Variants in DOP1A observed in about 807,000 individuals in gnomAD.
DOP1A encodes DOP1 leucine zipper like protein A.
Under a neutral mutation model 267.6 loss-of-function variants are expected in DOP1A, and 90 were observed. That is an observed-to-expected ratio of 0.34 (90% CI 0.28 to 0.40). The LOEUF (loss-of-function observed/expected upper bound fraction) is 0.40, where lower values mean the gene tolerates loss of function less well. Among genes scored for constraint, DOP1A ranks in the 10% least tolerant of loss-of-function variants. DOP1A has a pLI of 1.00. For synonymous variants in DOP1A, 932 were observed against 999.1 expected, an observed-to-expected ratio of 0.93 and a Z score of 1.27; for missense variants, 2,437 against 2,900.4, an observed-to-expected ratio of 0.84 and a Z score of 3.67.
intron 38 of DOP1A, 113 bp from the exon 39 acceptor site, chr6:83,167,749 A>G: frequency 6.9e-7 from 1 of 1,449,168 alleles, no homozygotes; most frequent in Non-Finnish European, 9.1e-7. Flanking sequence ...TAGAAACTTA[A>G]TGTCATTTGT....
At chr6:83,113,211 T>C in intron 6 of DOP1A, 112 bp from the exon 7 acceptor site, 1 of 671,082 alleles carries the variant, frequency 1.5e-6, no homozygotes, top group Non-Finnish European at 2.5e-6. Context: ...TCTTTAATTA[T>C]TGATTAGATC....
At chr6:83,079,837 T>C (rs1241769984) in intron 1 of DOP1A, among the ~76,000 whole-genome samples, 3 of 152,094 alleles carry the variant, frequency 2.0e-5, no homozygotes, top group African/African-American at 4.8e-5. Context: ...CTGATGAAAA[T>C]TTATGTTTCA....
chr6:83,120,309 T>C (rs1776164724), intron 9 of DOP1A, among the ~76,000 whole-genome samples: 1 of 151,936 alleles, frequency 6.6e-6, no homozygotes, highest in Non-Finnish European at 1.5e-5. Flanking sequence ...AATATAGTTG[T>C]TAAGTCACTA....
intron 4 of DOP1A, among the ~76,000 whole-genome samples, chr6:83,106,452 AG>A (rs149934852): frequency 0.032 from 4,913 of 152,290 alleles, 200 homozygotes; most frequent in African/African-American, 0.09. Flanking sequence ...AAGAGTATTT[AG>A]GAGTCTCAGT....
intron 38 of DOP1A, chr6:83,167,015 G>T: frequency 1.1e-5 from 11 of 985,406 alleles, no homozygotes; most frequent in Non-Finnish European, 1.3e-5. Flanking sequence ...TCTCTAGACA[G>T]AATGATGTCT....
intron 37 of DOP1A, among the ~76,000 whole-genome samples, chr6:83,160,844 C>A (rs1390477072): frequency 6.6e-6 from 1 of 151,946 alleles, no homozygotes; most frequent in Non-Finnish European, 1.5e-5. Flanking sequence ...AGCTTTTTCT[C>A]TTTTTTATTT....
At chr6:83,165,825 A>G (rs934707513) in intron 38 of DOP1A, 8 of 318,288 alleles carry the variant, frequency 2.5e-5, no homozygotes, top group East Asian at 8.7e-5. Context: ...CTGGTGGCCA[A>G]TGCCGGCTGC....
chr6:83,168,891 C>T (rs1786454251), downstream of DOP1A: 6 of 1,058,492 alleles, frequency 5.7e-6, no homozygotes, highest in Non-Finnish European at 6.9e-6. Context: ...ATGGTGATGG[C>T]AAAGATATCA....
At chr6:83,148,154 C>T (rs1279363693) in intron 26 of DOP1A, among the ~76,000 whole-genome samples, 1 of 152,150 alleles carries the variant, frequency 6.6e-6, no homozygotes, top group Non-Finnish European at 1.5e-5. Flanking sequence ...TGACTCTCGC[C>T]TGTAATCTCA....
chr6:83,167,624 T>C, intron 38 of DOP1A: 1 of 1,221,986 alleles, frequency 8.2e-7, no homozygotes. Flanking sequence ...TAACTAAGCT[T>C]ATCTGCGCAT....
chr6:83,152,606 G>GT (rs1436710514), intron 30 of DOP1A, among the ~76,000 whole-genome samples: 1 of 144,896 alleles, frequency 6.9e-6, no homozygotes, highest in Admixed American at 6.9e-5. Flanking sequence ...TTTTTTATGT[G>GT]TTTTTTTCTT....
rs1367192327 is a variant in DOP1A at position 83,100,770 on chromosome 6, T to C, written c.204T>C (p.Ala68=). 1.3e-6 allele frequency: 2 copies of C among 1,592,178 alleles called. No individual in the cohort carries two copies. Among genetic ancestry groups the C allele is most frequent in the South Asian group, 1.2e-5 (1 of 86,824 alleles). The change falls in exon 4 of 39, where the codon GCT becomes GCC. Residue 68 remains alanine, a synonymous_variant. Coordinates refer to ENST00000349129, the MANE Select transcript of DOP1A (RefSeq NM_015018.4). ...AGCTGACCATAGGCAAACGCCTAGC[T>C]CAATGTCTACATCCAGCATTACCAG... The part of the protein sequence containing the change: ...PKKLTIGKRL[A]QCLHPALPGG...
chr6:83,109,052 T>G lies in DOP1A; in HGVS notation c.463T>G (p.Leu155Val), dbSNP rs759132185. The G allele has an allele frequency of 1.3e-5, 21 of 1,613,294 alleles. No homozygotes were observed. The highest frequency in any genetic ancestry group is 1.8e-5 in the Non-Finnish European group (21 of 1,179,828). ...QGLLTGILPG[L>V]EEGSEYYERT... ...ATTGCTTACTGGTATTCTTCCTGGCTTAGAAGAAGGATCAGAGTACTATGA... is the reference window on the plus strand; with the variant it reads ...ATTGCTTACTGGTATTCTTCCTGGCGTAGAAGAAGGATCAGAGTACTATGA... The change falls in exon 5 of 39, where the codon TTA becomes GTA. Residue 155 changes from leucine (L) to valine (V), a missense_variant. Physicochemically the swap from Leu to Val is conservative, Grantham distance 32. Around this residue, in one of 9 missense-constraint regions of DOP1A, gnomAD observed 251 missense variants for 359.1 expected, o/e 0.70. Transcript: ENST00000349129.
intron 1 of DOP1A, among the ~76,000 whole-genome samples, chr6:83,091,804 GA>G (rs928121458): frequency 3.3e-5 from 5 of 151,838 alleles, no homozygotes; most frequent in African/African-American, 7.3e-5. Context: ...GCTAAGGAAG[GA>G]AAAAAAATGT....
chr6:83,084,016 G>A (rs1005320084), intron 1 of DOP1A, among the ~76,000 whole-genome samples: 8 of 152,218 alleles, frequency 5.3e-5, no homozygotes, highest in African/African-American at 9.6e-5. Context: ...AAAAGAAATC[G>A]TAAAGTTAAA....
chr6:83,088,086 A>G (rs1480574825), intron 1 of DOP1A, among the ~76,000 whole-genome samples: 1 of 151,892 alleles, frequency 6.6e-6, no homozygotes, highest in Non-Finnish European at 1.5e-5. Context: ...GTTAGCCAGG[A>G]TGGTCTCGAT....
intron 10 of DOP1A, 82 bp from the exon 11 acceptor site, chr6:83,121,848 T>A: frequency 7.2e-7 from 1 of 1,385,292 alleles, no homozygotes; most frequent in Admixed American, 2.3e-5. Flanking sequence ...TTTAAAACAT[T>A]GTTTCATTGG....
chr6:83,108,214 C>CTT (rs890649503), intron 4 of DOP1A, among the ~76,000 whole-genome samples: 1 of 152,192 alleles, frequency 6.6e-6, no homozygotes, highest in African/African-American at 2.4e-5. Flanking sequence ...GGCTGTCACT[C>CTT]TGTCACCCTG....
intron 6 of DOP1A, 46 bp downstream of exon 6, chr6:83,110,360 A>T (rs1774341890): frequency 6.4e-7 from 1 of 1,571,232 alleles, no homozygotes; most frequent in Non-Finnish European, 8.7e-7. Context: ...ATTTCTTTAG[A>T]GTCAGGCACT....
Sources: allele counts gnomAD v4.1 joint callset (sites outside exome capture counted in the v4.1 genomes callset), GRCh38; gene constraint gnomAD v4.1.1; regional missense constraint gnomAD v4.1.1; transcripts MANE v1.5; gene names NCBI Gene and HGNC (gene_info 2026-07-23, HGNC 2026-07-21).